The following UPF2 variants were observed in gnomAD, a reference collection of about 807,000 sequenced individuals.
UPF2 encodes UPF2 regulator of nonsense mediated mRNA decay, also known as regulator of nonsense transcripts 2.
A neutral mutation model predicts 141.4 loss-of-function variants in UPF2; 17 were observed. The observed-to-expected ratio is 0.12, with a 90% CI of 0.08 to 0.18. The LOEUF is 0.18. Ranked by LOEUF, UPF2 falls within the 10% of genes least tolerant of loss-of-function variation. The pLI, the probability that UPF2 is intolerant of heterozygous loss-of-function variation, is 1.00. For synonymous variants in UPF2, 540 were observed against 498.0 expected, an observed-to-expected ratio of 1.08 and a Z score of -1.12; for missense variants, 1,152 against 1,515.9, an observed-to-expected ratio of 0.76 and a Z score of 3.99.
intron 10 of UPF2, among the ~76,000 whole-genome samples, chr10:11,965,938 T>C (rs1833312717): frequency 6.6e-6 from 1 of 152,190 alleles, no homozygotes; most frequent in Non-Finnish European, 1.5e-5. Context: ...AAAACAACCT[T>C]AGTAACGGAA....
intron 4 of UPF2, among the ~76,000 whole-genome samples, chr10:12,013,544 A>AT (rs951348264): frequency 3.3e-5 from 5 of 152,242 alleles, no homozygotes; most frequent in Middle Eastern, 6.8e-3. Flanking sequence ...AAGTGCTAGG[A>AT]TTACAGGCAT....
chr10:12,026,695 G>A, intron 3 of UPF2: 2 of 441,418 alleles, frequency 4.5e-6, no homozygotes, highest in South Asian at 3.2e-5. Context: ...TTGTCCTCCA[G>A]GCTGGAGTGC....
intron 2 of UPF2, among the ~76,000 whole-genome samples, chr10:12,031,983 G>A (rs922906413): frequency 6.6e-6 from 1 of 152,130 alleles, no homozygotes; most frequent in African/African-American, 2.4e-5. Context: ...AATGAGCAGT[G>A]AAAGTACATT....
At position 11,920,325 on chromosome 10, in the gene UPF2, T is replaced by A. The variant is rs1832624261; in HGVS notation, c.*973A>T. ...CAGAAACAGACTAAGGACCCTCATT[T>A]CTATTTAGTGGGGGAAAACAAAAAA... is the stretch of plus-strand genomic sequence containing the variant. On this transcript the variant is annotated 3_prime_UTR_variant, in exon 22 of 22. Transcript: ENST00000357604. 2 of 146,226 alleles carry A rather than the reference T, an allele frequency of 1.4e-5. No individual in the cohort carries two copies. The highest frequency in any genetic ancestry group is 5.1e-5 in the African/African-American group (2 of 39,326). The allele number at this position is 146,226 out of a possible 1,614,324, so 9.1% of individuals were successfully genotyped here.
chr10:12,020,096 A>G (rs940625436), intron 3 of UPF2, among the ~76,000 whole-genome samples: 6 of 152,146 alleles, frequency 3.9e-5, no homozygotes, highest in African/African-American at 1.4e-4. Flanking sequence ...TGAGTCAAGC[A>G]TTATACATCA....
Position 11,959,151 on chromosome 10 carries a change from C to A in UPF2, c.2370+20G>T, listed in dbSNP as rs1473379107. ...CAAATCTCACGTTAACTATTAACTG[C>A]ATGATTTCATAAGATTTACCTTCTC... On this transcript the variant is annotated intron_variant, in intron 12 of 21. Transcript: ENST00000357604. This position sits in a 1 kb window ranked among gnomAD's most constrained non-coding sequence, Gnocchi z 5.9. The A allele has an allele frequency of 1.9e-6, 3 of 1,559,094 alleles. No individual in the cohort carries two copies. The highest frequency in any genetic ancestry group is 2.1e-5 in the Admixed American group (1 of 48,562).
At chr10:11,973,070 G>T (rs527317625) in intron 9 of UPF2, among the ~76,000 whole-genome samples, 2 of 151,986 alleles carry the variant, frequency 1.3e-5, no homozygotes, top group Non-Finnish European at 2.9e-5. Flanking sequence ...TTTAATGATC[G>T]CCATTCTAAC....
chr10:11,951,485 TAGTGGA>T (rs1833074345), intron 15 of UPF2, among the ~76,000 whole-genome samples: 1 of 152,220 alleles, frequency 6.6e-6, no homozygotes, highest in Non-Finnish European at 1.5e-5. Context: ...CCTGCAGCTC[TAGTGGA>T]AGCTGTTCAA....
chr10:11,927,970 C>T (rs1216668474), intron 21 of UPF2, among the ~76,000 whole-genome samples: 1 of 152,204 alleles, frequency 6.6e-6, no homozygotes, highest in Non-Finnish European at 1.5e-5. Flanking sequence ...CACCTGCTCC[C>T]CTGCTCCCAA....
Position 11,921,631 on chromosome 10 carries a change from A to AT in UPF2, c.3810-325dup, listed in dbSNP as rs980899595. ...ATATGTTATACATAAATGCTACACC[A>AT]TTTTTTACCAGGGACTTGAATGTCT... On this transcript the variant is annotated intron_variant, in intron 21 of 21. Coordinates refer to ENST00000357604, the MANE Select transcript of UPF2 (RefSeq NM_015542.4). This position sits in a 1 kb window ranked among gnomAD's most constrained non-coding sequence, Gnocchi z 5.9. 6.6e-6 allele frequency among the ~76,000 whole-genome samples: 1 copy of AT among 152,164 alleles called. No homozygotes were observed. The highest frequency in any genetic ancestry group is 6.5e-5 in the Admixed American group (1 of 15,274).
At chr10:11,971,578 G>C (rs1033564016) in intron 9 of UPF2, among the ~76,000 whole-genome samples, 2 of 151,884 alleles carry the variant, frequency 1.3e-5, no homozygotes, top group Non-Finnish European at 2.9e-5. Flanking sequence ...AAAACCTTAT[G>C]ATCAAAAATA....
At chr10:12,034,324 T>A (rs1834580222) in intron 2 of UPF2, among the ~76,000 whole-genome samples, 1 of 146,268 alleles carries the variant, frequency 6.8e-6, no homozygotes, top group Non-Finnish European at 1.5e-5. Flanking sequence ...ATTTTATTAT[T>A]TTATTTTTTT....
In UPF2 at chr10:11,931,625, A is replaced by G; in HGVS notation, c.3688+16T>C. ...GGCAACAAAAATTTCCACTTCTCTT[A>G]TAGATGATTTTATACCTTGATAATC... On this transcript the variant is annotated intron_variant, in intron 20 of 21. Transcript: ENST00000357604. This position sits in a 1 kb window ranked among gnomAD's most constrained non-coding sequence, Gnocchi z 5.9. 2 of 1,579,444 alleles carry G rather than the reference A, an allele frequency of 1.3e-6. No homozygotes were observed. The highest frequency in any genetic ancestry group is 2.4e-5 in the South Asian group (2 of 84,426).
intron 3 of UPF2, among the ~76,000 whole-genome samples, chr10:12,024,439 G>A (rs768800422): frequency 2.0e-5 from 3 of 151,754 alleles, no homozygotes; most frequent in Non-Finnish European, 4.4e-5. Flanking sequence ...GCGAAACCCC[G>A]TCTCTACTAA....
In UPF2 at chr10:11,992,484, G is replaced by A. The variant is rs1054605830; in HGVS notation, c.1844+5188C>T. The stretch of plus-strand genomic sequence containing the variant: ...CTCATGGTAGAAAACAACAGAGACT[G>A]TCTAAATAAATAATCGCTAAGCAAA... On this transcript the variant is annotated intron_variant, in intron 8 of 21. Transcript: ENST00000357604. This position sits in a 1 kb window ranked among gnomAD's most constrained non-coding sequence, Gnocchi z 4.1. Among the ~76,000 whole-genome samples the A allele has an allele frequency of 1.3e-5, 2 of 152,080 alleles. No individual in the cohort carries two copies. The highest frequency in any genetic ancestry group is 2.4e-5 in the African/African-American group (1 of 41,404).
In UPF2 at chr10:11,936,343, C is replaced by A. The variant is rs1454988922; in HGVS notation, c.3546+202G>T. 6.6e-6 allele frequency among the ~76,000 whole-genome samples: 1 copy of A among 151,558 alleles called. No individual in the cohort carries two copies. The highest frequency in any genetic ancestry group is 2.4e-5 in the African/African-American group (1 of 41,200). On this transcript the variant is annotated intron_variant, in intron 19 of 21. Coordinates refer to ENST00000357604, the MANE Select transcript of UPF2 (RefSeq NM_015542.4). The surrounding 1 kb of genome is among the most constrained non-coding windows in gnomAD (Gnocchi z 6.6). ...CAAGACCCTGCCACTCCAGCCTGGG[C>A]GACAAAGTGAGACGCCGTCTCAAAA...
intron 16 of UPF2, among the ~76,000 whole-genome samples, chr10:11,947,105 G>C (rs1310874838): frequency 2.0e-5 from 3 of 152,174 alleles, no homozygotes; most frequent in African/African-American, 4.8e-5. Flanking sequence ...GGGAAGCTGA[G>C]GCACAAGAAT....
chr10:12,040,411 A>G (rs1346111294), intron 1 of UPF2, among the ~76,000 whole-genome samples: 1 of 152,136 alleles, frequency 6.6e-6, no homozygotes, highest in African/African-American at 2.4e-5. Flanking sequence ...ACAAAGCCAG[A>G]CTCCGTCTCA....
intron 3 of UPF2, among the ~76,000 whole-genome samples, chr10:12,021,035 A>G (rs1588573995): frequency 6.6e-6 from 1 of 152,194 alleles, no homozygotes; most frequent in African/African-American, 2.4e-5. Context: ...TAACATGTAT[A>G]CTATACACTT....
Sources: allele counts gnomAD v4.1 joint callset (sites outside exome capture counted in the v4.1 genomes callset), GRCh38; gene constraint gnomAD v4.1.1; non-coding constraint Gnocchi (gnomAD v3.1); transcripts MANE v1.5; gene names NCBI Gene and HGNC (gene_info 2026-07-23, HGNC 2026-07-21).